STPG2: variants seen among roughly 807,000 people sequenced by gnomAD.
STPG2 encodes sperm-tail PG-rich repeat-containing protein 2.
A neutral mutation model predicts 54.2 loss-of-function variants in STPG2; 56 were observed. That is an observed-to-expected ratio of 1.03 (90% CI 0.83 to 1.29). The LOEUF (loss-of-function observed/expected upper bound fraction) is 1.29, where lower values mean the gene tolerates loss of function less well. Among genes scored for constraint, STPG2 ranks in the 50% most tolerant of loss-of-function variants. STPG2 has a pLI of 0.00. For missense variants in STPG2, 596 were observed against 544.9 expected, an observed-to-expected ratio of 1.09 and a Z score of -0.93; for synonymous variants, 200 against 181.8, an observed-to-expected ratio of 1.10 and a Z score of -0.81.
intron 8 of STPG2, among the ~76,000 whole-genome samples, chr4:97,911,872 G>T (rs929815637): frequency 6.6e-6 from 1 of 151,922 alleles, no homozygotes; most frequent in Non-Finnish European, 1.5e-5. Flanking sequence ...CCCTAATCCC[G>T]TTCTTCCCGA....
chr4:97,481,281 A>G (rs374562361), intron 4 of STPG2, among the ~76,000 whole-genome samples: 2 of 151,558 alleles, frequency 1.3e-5, no homozygotes, highest in African/African-American at 4.8e-5. Flanking sequence ...GATATCTGTA[A>G]TTATAGAGTA....
chr4:98,076,202 C>T (rs1374436886), intron 5 of STPG2, among the ~76,000 whole-genome samples: 1 of 151,660 alleles, frequency 6.6e-6, no homozygotes, highest in African/African-American at 2.4e-5. Context: ...CAAGATCATG[C>T]CACTGCACTC....
chr4:97,551,976 C>A (rs1332208078), intron 4 of STPG2, among the ~76,000 whole-genome samples: 1 of 151,938 alleles, frequency 6.6e-6, no homozygotes, highest in African/African-American at 2.4e-5. Flanking sequence ...ACAAATAAAA[C>A]CTAATACATA....
rs147556801 is a variant in STPG2, at chr4:97,588,548, C to T, written c.1321-29431G>A. On this transcript the variant is annotated intron_variant, in intron 10 of 10. Coordinates refer to ENST00000295268, the MANE Select transcript of STPG2 (RefSeq NM_174952.3). ...TTAAAAAGGAATCATTTTCACCAAT[C>T]CAATTGGCAAATTTAAAAACTCTGA... Among the ~76,000 whole-genome samples the T allele has an allele frequency of 6.6e-5, 10 of 152,118 alleles. No homozygotes were observed. In the East Asian group the frequency reaches 1.9e-3, roughly 29 times the overall value.
At chr4:97,559,262 C>G (rs559210031) in intron 10 of STPG2, 145 bp from the exon 11 acceptor site, 2 of 565,864 alleles carry the variant, frequency 3.5e-6, no homozygotes, top group Admixed American at 7.2e-5. Flanking sequence ...CTACTTACAT[C>G]GATAGAGCTT....
intron 10 of STPG2, among the ~76,000 whole-genome samples, chr4:97,637,373 C>T (rs1211188586): frequency 6.6e-6 from 1 of 152,070 alleles, no homozygotes. Context: ...ATGACAAACC[C>T]ACAGCCAATA....
chr4:97,535,812 T>A (rs140113232), intron 4 of STPG2, among the ~76,000 whole-genome samples: 1 of 152,340 alleles, frequency 6.6e-6, no homozygotes, highest in East Asian at 1.9e-4. Flanking sequence ...TTTATTTTAA[T>A]ATTTTTATAC....
chr4:97,824,766 T>C (rs543603896), intron 9 of STPG2, among the ~76,000 whole-genome samples: 2 of 152,248 alleles, frequency 1.3e-5, no homozygotes, highest in African/African-American at 4.8e-5. Context: ...GGGAAGAGCA[T>C]TGGAAACTGC....
chr4:97,784,026 C>A (rs1322611116), intron 9 of STPG2, among the ~76,000 whole-genome samples: 1 of 149,746 alleles, frequency 6.7e-6, no homozygotes, highest in Non-Finnish European at 1.5e-5. Flanking sequence ...ATGTAACAAA[C>A]CTGCACGTTG....
At chr4:97,456,078 C>T (rs1335285412) in intron 4 of STPG2, among the ~76,000 whole-genome samples, 1 of 152,226 alleles carries the variant, frequency 6.6e-6, no homozygotes, top group East Asian at 1.9e-4. Context: ...GCAAAAGACA[C>T]TGTCAAGAAA....
chr4:97,871,978 CTTAT>C (rs1730004973), intron 8 of STPG2, among the ~76,000 whole-genome samples: 1 of 150,790 alleles, frequency 6.6e-6, no homozygotes, highest in Admixed American at 6.6e-5. Flanking sequence ...GAATGTAATG[CTTAT>C]TTAAGATTAT....
intron 5 of STPG2, among the ~76,000 whole-genome samples, chr4:98,024,258 G>A (rs1736339070): frequency 6.6e-6 from 1 of 152,150 alleles, no homozygotes; most frequent in South Asian, 2.1e-4. Context: ...ATACAGAGGA[G>A]TGTGCATTGG....
chr4:97,873,753 C>G (rs971522376), intron 8 of STPG2, among the ~76,000 whole-genome samples: 1 of 151,384 alleles, frequency 6.6e-6, no homozygotes, highest in Non-Finnish European at 1.5e-5. Flanking sequence ...GTGCCCTTAC[C>G]ATGTTTGAAT....
At chr4:98,043,310 G>A (rs565265272) in intron 5 of STPG2, among the ~76,000 whole-genome samples, 2 of 152,012 alleles carry the variant, frequency 1.3e-5, no homozygotes, top group African/African-American at 4.8e-5. Context: ...TAATTGTAGA[G>A]CTTATTTCAT....
intron 1 of STPG2, among the ~76,000 whole-genome samples, chr4:98,142,574 A>G (rs1373938970): frequency 1.3e-5 from 2 of 152,212 alleles, no homozygotes; most frequent in Non-Finnish European, 2.9e-5. Flanking sequence ...GTCTGAAAAA[A>G]AAACGGAACT....
chr4:97,929,536 CTTTTA>C (rs993706900), intron 8 of STPG2, among the ~76,000 whole-genome samples: 1 of 152,130 alleles, frequency 6.6e-6, no homozygotes, highest in Non-Finnish European at 1.5e-5. Flanking sequence ...TCACTAGAAT[CTTTTA>C]TTTTTTCACT....
intron 5 of STPG2, among the ~76,000 whole-genome samples, chr4:97,991,378 T>C (rs953246114): frequency 6.7e-6 from 1 of 150,198 alleles, no homozygotes; most frequent in Non-Finnish European, 1.5e-5. Context: ...TATATATATG[T>C]ATATATATGT....
intron 3 of STPG2, among the ~76,000 whole-genome samples, chr4:98,111,349 A>G (rs1560684451): frequency 6.6e-6 from 1 of 152,166 alleles, no homozygotes; most frequent in Non-Finnish European, 1.5e-5. Flanking sequence ...CACCAGTGCC[A>G]TTACATTAAG....
chr4:97,454,600 T>G (rs952547264), intron 4 of STPG2, among the ~76,000 whole-genome samples: 5 of 150,822 alleles, frequency 3.3e-5, no homozygotes, highest in African/African-American at 1.2e-4. Context: ...TAATCAGTTT[T>G]GTATTTGTAA....
Sources: gnomAD v4.1 joint callset for allele counts (sites outside exome capture counted in the v4.1 genomes callset) on GRCh38, gnomAD v4.1.1 for gene constraint, MANE v1.5 for transcripts, NCBI Gene and HGNC (gene_info 2026-07-23, HGNC 2026-07-21) for gene names.